Variants in EDRF1 observed in about 807,000 individuals in gnomAD.
EDRF1 encodes erythroid differentiation regulatory factor 1, also known as erythroid differentiation-related factor 1.
A neutral mutation model predicts 148.7 loss-of-function variants in EDRF1; 69 were observed. The ratio of observed to expected loss-of-function variants is 0.46; its 90% CI spans 0.38 to 0.57. The LOEUF (loss-of-function observed/expected upper bound fraction) is 0.57. EDRF1 is among the 20% of genes least tolerant of loss of function. The pLI, the probability that EDRF1 is intolerant of heterozygous loss-of-function variation, is 0.00. For synonymous variants in EDRF1, 515 were observed against 532.8 expected, an observed-to-expected ratio of 0.97 and a Z score of 0.46; for missense variants, 1,118 against 1,478.7, an observed-to-expected ratio of 0.76 and a Z score of 4.00.
At position 125,745,718 on chromosome 10, in the gene EDRF1, G is replaced by A; in HGVS notation, c.2602G>A (p.Val868Met). ...CTTTCTCTGTAAAGTGAGCAAATCTGTGTCTGCTGCCGAGCAACAGTTGTG... is the reference window on the plus strand; with the variant it reads ...CTTTCTCTGTAAAGTGAGCAAATCTATGTCTGCTGCCGAGCAACAGTTGTG... ...LQSERLVSKS[V>M]SAAEQQLWKK... The change falls in exon 19 of 25, where the codon GTG (valine) becomes ATG (methionine). Residue 868 changes from valine (V) to methionine (M), a missense_variant. Physicochemically the swap from Val to Met is conservative, Grantham distance 21. This residue lies in a region of EDRF1 where 954 missense variants were observed against 1,241.4 expected (regional missense o/e 0.77). Transcript: ENST00000356792. The A allele has an allele frequency of 1.2e-6, 2 of 1,614,178 alleles. No individual in the cohort carries two copies. Among genetic ancestry groups the A allele is most frequent in the Admixed American group, 1.7e-5 (1 of 60,032 alleles).
intron 18 of EDRF1, among the ~76,000 whole-genome samples, chr10:125,743,667 G>A (rs975922098): frequency 6.6e-6 from 1 of 152,188 alleles, no homozygotes; most frequent in Non-Finnish European, 1.5e-5. Context: ...GGAGACTGGG[G>A]AAATAAGACA....
At chr10:125,759,743 C>T (rs774626970) in intron 24 of EDRF1, among the ~76,000 whole-genome samples, 21 of 151,770 alleles carry the variant, frequency 1.4e-4, no homozygotes, top group Non-Finnish European at 2.4e-4. Context: ...CAGAGTCTCG[C>T]TCTGTCGCCC....
intron 18 of EDRF1, among the ~76,000 whole-genome samples, chr10:125,743,558 A>AT (rs1168678148): frequency 6.6e-6 from 1 of 152,212 alleles, no homozygotes; most frequent in Non-Finnish European, 1.5e-5. Context: ...TATGTTGGAT[A>AT]TGTAACTGGC....
intron 5 of EDRF1, 105 bp downstream of exon 5, chr10:125,725,547 T>C: frequency 6.4e-7 from 1 of 1,564,062 alleles, no homozygotes; most frequent in Non-Finnish European, 8.8e-7. Context: ...CCTGTGATAC[T>C]GTTAACATTT....
chr10:125,763,301 C>T lies in EDRF1; in HGVS notation c.3546C>T (p.Ser1182=). The T allele has an allele frequency of 6.2e-7, 1 of 1,611,964 alleles. No homozygotes were observed. The highest frequency in any genetic ancestry group is 1.1e-5 in the South Asian group (1 of 91,068). ...KLLSSTKKKT[S]NNIEDDTILK... is the part of the protein sequence containing the mutation. ...GTCTCTTTTTCTTTTTTAACCCTAG[C>T]AATAACATCGAAGATGACACAATTC... is the stretch of plus-strand genomic sequence containing the variant. The change falls in exon 25 of 25, where the codon AGC becomes AGT. Residue 1182 remains serine (S), a splice_region_variant and synonymous_variant. Transcript: ENST00000356792. The surrounding 1 kb of genome is among the most constrained non-coding windows in gnomAD (Gnocchi z 4.3).
chr10:125,760,225 C>T (rs1850130735), intron 24 of EDRF1, among the ~76,000 whole-genome samples: 1 of 152,126 alleles, frequency 6.6e-6, no homozygotes, highest in South Asian at 2.1e-4. Flanking sequence ...TTGGTTTCCA[C>T]AAGATGGTAA....
chr10:125,735,225 G>A (rs1246967476), intron 12 of EDRF1, among the ~76,000 whole-genome samples: 1 of 151,672 alleles, frequency 6.6e-6, no homozygotes, highest in Non-Finnish European at 1.5e-5. Flanking sequence ...TAGATTATAT[G>A]ATAAATATTA....
Position 125,725,801 on chromosome 10 carries a change from C to T in EDRF1, c.755C>T (p.Pro252Leu), listed in dbSNP as rs1848231979. 1.1e-5 allele frequency: 17 copies of T among 1,613,920 alleles called. No homozygotes were observed. Among genetic ancestry groups the T allele is most frequent in the African/African-American group, 1.3e-5 (1 of 74,970 alleles). The stretch of plus-strand genomic sequence containing the variant: ...TCATGGCCTGCTCCCTTCGAAATGC[C>T]TTCTTCAGTTTCTGAAGATCCCAGT... The part of the protein sequence containing the change: ...GASWPAPFEM[P>L]SSVSEDPSAS... The change falls in exon 6 of 25, where the codon CCT becomes CTT. Residue 252 changes from proline (P) to leucine (L), a missense_variant. Around this residue, in one of 3 missense-constraint regions of EDRF1, gnomAD observed 954 missense variants for 1,241.4 expected, o/e 0.77. Coordinates refer to ENST00000356792, the MANE Select transcript of EDRF1 (RefSeq NM_001202438.2).
rs1459418762 is a variant in EDRF1 at position 125,719,850 on chromosome 10, G to C, written c.43G>C (p.Gly15Arg). The C allele has an allele frequency of 1.2e-6, 2 of 1,612,286 alleles. No homozygotes were observed. ...KEAGAEGPPAGAAARGGLSLL... is the reference protein window; with the variant it reads ...KEAGAEGPPARAAARGGLSLL... ...GGCCGGAGCCGAGGGTCCGCCGGCC[G>C]GGGCCGCCGCTCGAGGAGGGCTCAG... Residue 15 changes from glycine to arginine, a missense_variant, in exon 1 of 25, where the codon GGG becomes CGG. Gly to Arg is a moderately radical substitution (Grantham distance 125, BLOSUM62 -2). Coordinates refer to ENST00000356792, the MANE Select transcript of EDRF1 (RefSeq NM_001202438.2).
chr10:125,757,411 T>C (rs1019741911), intron 24 of EDRF1, among the ~76,000 whole-genome samples: 1 of 152,226 alleles, frequency 6.6e-6, no homozygotes, highest in African/African-American at 2.4e-5. Flanking sequence ...GTACTGTTAT[T>C]ATACGTTTTA....
At position 125,719,742 on chromosome 10, in the gene EDRF1, T is replaced by C. The variant is rs1474807360; in HGVS notation, c.-66T>C. ...GAGCGTCTCTGGCGCTTACCCTGCT[T>C]TGGGCCTGCGTTGCTGCTGCTGCTC... On this transcript the variant is annotated 5_prime_UTR_variant, in exon 1 of 25. Coordinates refer to ENST00000356792, the MANE Select transcript of EDRF1 (RefSeq NM_001202438.2). The C allele has an allele frequency of 5.2e-5, 69 of 1,335,550 alleles. 2 individuals carry two copies. In the East Asian group the frequency reaches 1.6e-3, roughly 31 times the overall value. 82.7% of individuals were successfully genotyped at this position (1,335,550 alleles called of 1,614,324 possible). A position where few individuals can be genotyped will look rare whatever the true frequency, so the allele number is the denominator to read the frequency against.
intron 6 of EDRF1, among the ~76,000 whole-genome samples, chr10:125,728,042 A>G (rs1320566014): frequency 6.6e-6 from 1 of 152,056 alleles, no homozygotes; most frequent in African/African-American, 2.4e-5. Flanking sequence ...ATTTAAAAAA[A>G]GAAAAAAAAA....
chr10:125,759,836 G>A (rs1003994096), intron 24 of EDRF1, among the ~76,000 whole-genome samples: 4 of 151,712 alleles, frequency 2.6e-5, no homozygotes, highest in African/African-American at 7.3e-5. Flanking sequence ...TCAGCCTCCC[G>A]AGTAGCTGGG....
intron 6 of EDRF1, 79 bp from the exon 7 acceptor site, chr10:125,728,924 T>G: frequency 1.9e-6 from 2 of 1,067,896 alleles, no homozygotes; most frequent in Non-Finnish European, 2.7e-6. Flanking sequence ...TTTGAATATT[T>G]AGGTGATACT....
intron 4 of EDRF1, 115 bp downstream of exon 4, chr10:125,724,051 G>A (rs1437537522): frequency 1.3e-5 from 16 of 1,231,750 alleles, no homozygotes; most frequent in Non-Finnish European, 1.7e-5. Flanking sequence ...TTCAACAATC[G>A]AGAAATTGAA....
chr10:125,749,505 C>G lies in EDRF1; in HGVS notation c.3217C>G (p.Pro1073Ala). ...AKLFQLLKDA[P>A]CELLRVQLER... ...GCTGTTTCAGCTGCTGAAAGATGCTCCCTGCGAACTGCTTAGAGTACAGCT... is the reference window on the plus strand; with the variant it reads ...GCTGTTTCAGCTGCTGAAAGATGCTGCCTGCGAACTGCTTAGAGTACAGCT... Residue 1073 changes from proline to alanine, a missense_variant, in exon 22 of 25, where the codon CCC becomes GCC. This residue lies in a region of EDRF1 where 954 missense variants were observed against 1,241.4 expected (regional missense o/e 0.77). Transcript: ENST00000356792. 1 of 1,614,154 alleles carries G rather than the reference C, an allele frequency of 6.2e-7. No individual in the cohort carries two copies. Among genetic ancestry groups the G allele is most frequent in the Non-Finnish European group, 8.5e-7 (1 of 1,180,032 alleles).
At position 125,723,864 on chromosome 10, in the gene EDRF1, A is replaced by T; in HGVS notation, c.438A>T (p.Ala146=). 1 of 1,613,822 alleles carries T rather than the reference A, an allele frequency of 6.2e-7. No homozygotes were observed. The highest frequency in any genetic ancestry group is 1.1e-5 in the South Asian group (1 of 91,072). ...IPYSKSHVSM[A]VHRIGRTLLL... is the part of the protein sequence containing the mutation. Reference sequence around the variant, plus strand: ...ACAGCAAGTCGCACGTGAGCATGGCAGTACACCGCATAGGAAGGACTCTCT... The same window carrying T: ...ACAGCAAGTCGCACGTGAGCATGGCTGTACACCGCATAGGAAGGACTCTCT... Residue 146 remains alanine (A), a synonymous_variant, in exon 4 of 25, where the codon GCA becomes GCT. Coordinates refer to ENST00000356792, the MANE Select transcript of EDRF1 (RefSeq NM_001202438.2).
chr10:125,737,936 G>A lies in EDRF1; in HGVS notation c.1777G>A (p.Val593Ile). 6.2e-7 allele frequency: 1 copy of A among 1,613,928 alleles called. No individual in the cohort carries two copies. The highest frequency in any genetic ancestry group is 8.5e-7 in the Non-Finnish European group (1 of 1,179,912). The change falls in exon 14 of 25, where the codon GTT becomes ATT. Residue 593 changes from valine (V) to isoleucine (I), a missense_variant. By Grantham distance (29) the Val-to-Ile change is conservative. Around this residue, in one of 3 missense-constraint regions of EDRF1, gnomAD observed 954 missense variants for 1,241.4 expected, o/e 0.77. Transcript: ENST00000356792. ...HQIRPSCAFP[V>I]CHDTEERCRL... ...CCTCAAGCCCAGTTGTGCATTTCCA[G>A]TTTGCCATGACACAGAAGAGCGCTG...
chr10:125,747,667 T>C lies in EDRF1; in HGVS notation c.2946T>C (p.Ala982=), dbSNP rs1419973344. 1.2e-6 allele frequency: 2 copies of C among 1,614,080 alleles called. No homozygotes were observed. Among genetic ancestry groups the C allele is most frequent in the African/African-American group, 1.3e-5 (1 of 74,934 alleles). The change falls in exon 20 of 25, where the codon GCT becomes GCC. Residue 982 remains alanine, a synonymous_variant. Coordinates refer to ENST00000356792, the MANE Select transcript of EDRF1 (RefSeq NM_001202438.2). ...FTMATLQQDY[A]PLSRKAQEQI... ...TGGCAACTCTACAGCAAGATTATGC[T>C]CCGTTATCTAGAAAAGCTCAGGAGC...
Sources: gnomAD v4.1 joint callset for allele counts (sites outside exome capture counted in the v4.1 genomes callset) on GRCh38, gnomAD v4.1.1 for gene constraint, gnomAD v4.1.1 regional missense constraint, Gnocchi (gnomAD v3.1) non-coding constraint, MANE v1.5 for transcripts, NCBI Gene and HGNC (gene_info 2026-07-23, HGNC 2026-07-21) for gene names.